Variants in KCNK9 observed in about 807,000 individuals in gnomAD.
The protein encoded by KCNK9 is potassium two pore domain channel subfamily K member 9, also known as potassium channel subfamily K member 9.
Under a neutral mutation model 10.8 loss-of-function variants are expected in KCNK9, and 1 was observed. That is an observed-to-expected ratio of 0.09 (90% CI 0.03 to 0.44). The LOEUF (loss-of-function observed/expected upper bound fraction) is 0.44, where lower values mean the gene tolerates loss of function less well. Among genes scored for constraint, KCNK9 ranks in the 20% least tolerant of loss-of-function variants. The pLI is 0.97. For missense variants in KCNK9, 303 were observed against 515.0 expected (o/e 0.59, Z 3.98); for synonymous variants, 231 against 222.7 (o/e 1.04, Z -0.33).
chr8:139,702,639 C>G lies in KCNK9; in HGVS notation c.283+71G>C. 2 of 1,487,442 alleles carry G rather than the reference C, an allele frequency of 1.3e-6. No homozygotes were observed. The highest frequency in any genetic ancestry group is 1.8e-6 in the Non-Finnish European group (2 of 1,109,652). 92.1% of individuals were successfully genotyped at this position (1,487,442 alleles called of 1,614,324 possible). A position where few individuals can be genotyped will look rare whatever the true frequency, so the allele number is the denominator to read the frequency against. ...CCTCGACGCCCTGCACCCAGCCCGG[C>G]GCGGCGCGCTCAGCCGCCTCCCCGG... is the stretch of plus-strand genomic sequence containing the variant. On this transcript the variant is annotated intron_variant, in intron 1 of 1. Transcript: ENST00000520439. The surrounding 1 kb of genome is among the most constrained non-coding windows in gnomAD (Gnocchi z 7.5).
rs1172090138 is a variant in KCNK9, at chr8:139,693,853, G to A, written c.283+8857C>T. Among the ~76,000 whole-genome samples the A allele has an allele frequency of 6.6e-6, 1 of 152,154 alleles. No individual in the cohort carries two copies. The highest frequency in any genetic ancestry group is 1.5e-5 in the Non-Finnish European group (1 of 68,032). ...AAGATGGCAGCCATGGGCTTTTAAAGGTCACTGCAGTGGTGGAGTGGAAGG... is the reference window on the plus strand; with the variant it reads ...AAGATGGCAGCCATGGGCTTTTAAAAGTCACTGCAGTGGTGGAGTGGAAGG... On this transcript the variant is annotated intron_variant, in intron 1 of 1. Coordinates refer to ENST00000520439, the MANE Select transcript of KCNK9 (RefSeq NM_001282534.2). This position sits in a 1 kb window ranked among gnomAD's most constrained non-coding sequence, Gnocchi z 4.1.
chr8:139,678,686 G>C (rs1307775667), intron 1 of KCNK9, among the ~76,000 whole-genome samples: 1 of 152,232 alleles, frequency 6.6e-6, no homozygotes. Context: ...TTCCTCTTTG[G>C]GGGTCAAGGC....
rs769833146 is a variant in KCNK9, at chr8:139,618,436, T to A, written c.947A>T (p.Asn316Ile). ...DYGGRSVAPQ[N>I]SFSAKLAPHY... ...GGGGGCAAGCTTGGCGCTGAAGGAG[T>A]TCTGCGGTGCCACCGAGCGGCCGCC... Residue 316 changes from asparagine (N) to isoleucine (I), a missense_variant, in exon 2 of 2, where the codon AAC (asparagine) becomes ATC (isoleucine). Transcript: ENST00000520439. The surrounding 1 kb of genome is among the most constrained non-coding windows in gnomAD (Gnocchi z 7.9). 6.2e-7 allele frequency: 1 copy of A among 1,613,762 alleles called. No individual in the cohort carries two copies. The highest frequency in any genetic ancestry group is 2.2e-5 in the East Asian group (1 of 44,844).
chr8:139,700,546 A>G (rs199209), intron 1 of KCNK9, among the ~76,000 whole-genome samples: 56,979 of 119,898 alleles, frequency 0.48, 11,591 homozygotes, highest in Non-Finnish European at 0.51. Flanking sequence ...ACACGCGCGC[A>G]CACACACACA....
rs374274047 is a variant in KCNK9, at chr8:139,642,542, C to T, written c.284-23443G>A. Among the ~76,000 whole-genome samples, 6 of 152,362 alleles carry T rather than the reference C, an allele frequency of 3.9e-5. No homozygotes were observed. In the East Asian group the frequency reaches 1.2e-3, roughly 29 times the overall value. On this transcript the variant is annotated intron_variant, in intron 1 of 1. Coordinates refer to ENST00000520439, the MANE Select transcript of KCNK9 (RefSeq NM_001282534.2). ...CTGGAGGCTGCCCGCAGGAAGTCAT[C>T]CTGAAACCCCCGAGTCAAAATAGGA...
At chr8:139,671,511 C>CTT (rs35081138) in intron 1 of KCNK9, among the ~76,000 whole-genome samples, 1 of 132,740 alleles carries the variant, frequency 7.5e-6, no homozygotes. Context: ...TTTTTAGTTT[C>CTT]TTTTTTTTTT....
intron 1 of KCNK9, among the ~76,000 whole-genome samples, chr8:139,666,073 T>C (rs922695704): frequency 2.6e-5 from 4 of 152,226 alleles, no homozygotes; most frequent in Non-Finnish European, 4.4e-5. Context: ...TTGGGTCCCA[T>C]CTGGGATTTG....
At chr8:139,690,071 G>A (rs1212881210) in intron 1 of KCNK9, among the ~76,000 whole-genome samples, 1 of 152,228 alleles carries the variant, frequency 6.6e-6, no homozygotes, top group Non-Finnish European at 1.5e-5. Context: ...GATGGTGGTT[G>A]TTTTCAGCCT....
chr8:139,606,234 C>A (rs1043465740), intron 2 of KCNK9, among the ~76,000 whole-genome samples: 4 of 152,178 alleles, frequency 2.6e-5, no homozygotes, highest in African/African-American at 9.7e-5. Flanking sequence ...TAACTAAGCC[C>A]ATTTCTGCTA....
intron 1 of KCNK9, among the ~76,000 whole-genome samples, chr8:139,650,252 C>T (rs1815822859): frequency 6.6e-6 from 1 of 152,198 alleles, no homozygotes; most frequent in South Asian, 2.1e-4. Flanking sequence ...GTGGGAGCAC[C>T]TTCTGCTAAC....
chr8:139,620,866 T>G (rs1390087847), intron 1 of KCNK9, among the ~76,000 whole-genome samples: 1 of 151,942 alleles, frequency 6.6e-6, no homozygotes, highest in South Asian at 2.1e-4. Flanking sequence ...AATTATCCAA[T>G]CTGAAGAGCA....
In KCNK9 at chr8:139,618,249, T is replaced by G; in HGVS notation, c.*9A>C. ...AAATGACTTTTCTGTCCCATTTCCC[T>G]CCCCACACCTAAACGGACTTCCGGC... On this transcript the variant is annotated 3_prime_UTR_variant, in exon 2 of 2. Coordinates refer to ENST00000520439, the MANE Select transcript of KCNK9 (RefSeq NM_001282534.2). The surrounding 1 kb of genome is among the most constrained non-coding windows in gnomAD (Gnocchi z 7.9). The G allele has an allele frequency of 6.2e-7, 1 of 1,614,100 alleles. No individual in the cohort carries two copies. Among genetic ancestry groups the G allele is most frequent in the Non-Finnish European group, 8.5e-7 (1 of 1,180,028 alleles).
intron 1 of KCNK9, among the ~76,000 whole-genome samples, chr8:139,649,319 C>A (rs536940882): frequency 6.6e-6 from 1 of 152,296 alleles, no homozygotes; most frequent in East Asian, 1.9e-4. Flanking sequence ...AGCCCTGAAG[C>A]CTGGGGCACC....
At chr8:139,633,706 C>T (rs1486494223) in intron 1 of KCNK9, among the ~76,000 whole-genome samples, 1 of 152,220 alleles carries the variant, frequency 6.6e-6, no homozygotes, top group Non-Finnish European at 1.5e-5. Context: ...ACCCAGGCTG[C>T]GCGAGGCTCA....
intron 1 of KCNK9, among the ~76,000 whole-genome samples, chr8:139,626,804 TA>T (rs1340665056): frequency 1.3e-5 from 2 of 152,128 alleles, no homozygotes; most frequent in South Asian, 2.1e-4. Flanking sequence ...CGGTAAGAAT[TA>T]AAACAGCCAC....
chr8:139,698,468 G>A (rs1249087253), intron 1 of KCNK9, among the ~76,000 whole-genome samples: 3 of 152,236 alleles, frequency 2.0e-5, no homozygotes, highest in African/African-American at 7.2e-5. Flanking sequence ...AAGACTTCTT[G>A]GAGGACAAGC....
Position 139,702,649 on chromosome 8 carries a change from T to C in KCNK9, c.283+61A>G. On this transcript the variant is annotated intron_variant, in intron 1 of 1. Transcript: ENST00000520439. The surrounding 1 kb of genome is among the most constrained non-coding windows in gnomAD (Gnocchi z 7.5). ...CTGCACCCAGCCCGGCGCGGCGCGCTCAGCCGCCTCCCCGGACTCCTCCCG... is the reference window on the plus strand; with the variant it reads ...CTGCACCCAGCCCGGCGCGGCGCGCCCAGCCGCCTCCCCGGACTCCTCCCG... 1 of 1,518,936 alleles carries C rather than the reference T, an allele frequency of 6.6e-7. No homozygotes were observed. The highest frequency in any genetic ancestry group is 1.2e-5 in the South Asian group (1 of 83,300). The allele number at this position is 1,518,936 out of a possible 1,614,324, so 94.1% of individuals were successfully genotyped here. A position where few individuals can be genotyped will look rare whatever the true frequency, so the allele number is the denominator to read the frequency against.
chr8:139,665,414 G>A (rs941695769), intron 1 of KCNK9, among the ~76,000 whole-genome samples: 6 of 152,110 alleles, frequency 3.9e-5, no homozygotes, highest in African/African-American at 1.2e-4. Context: ...ATCACATTGG[G>A]CCCACCTGGA....
chr8:139,634,456 C>A (rs1300583756), intron 1 of KCNK9, among the ~76,000 whole-genome samples: 1 of 152,210 alleles, frequency 6.6e-6, no homozygotes, highest in Non-Finnish European at 1.5e-5. Context: ...TGCCCTCAAT[C>A]CGCAGGTCCA....
Sources: allele counts gnomAD v4.1 joint callset (sites outside exome capture counted in the v4.1 genomes callset), GRCh38; gene constraint gnomAD v4.1.1; non-coding constraint Gnocchi (gnomAD v3.1); transcripts MANE v1.5; gene names NCBI Gene and HGNC (gene_info 2026-07-23, HGNC 2026-07-21).